FNDC1: variants seen among roughly 807,000 people sequenced by gnomAD.
FNDC1 encodes fibronectin type III domain-containing protein 1.
A neutral mutation model predicts 168.0 loss-of-function variants in FNDC1; 96 were observed. That is an observed-to-expected ratio of 0.57 (90% CI 0.48 to 0.68). The LOEUF is 0.68. FNDC1 is among the 30% of genes least tolerant of loss of function. FNDC1 has a pLI of 0.00. For synonymous variants in FNDC1, 1,099 were observed against 1,025.9 expected, an observed-to-expected ratio of 1.07 and a Z score of -1.36; for missense variants, 2,587 against 2,482.1, an observed-to-expected ratio of 1.04 and a Z score of -0.90.
intron 9 of FNDC1, among the ~76,000 whole-genome samples, chr6:159,227,222 A>T (rs1458919086): frequency 6.6e-6 from 1 of 152,262 alleles, no homozygotes; most frequent in African/African-American, 2.4e-5. Context: ...AAAGCGTTTA[A>T]GAACCTCTCA....
rs1209844362 is a variant in FNDC1 at position 159,251,396 on chromosome 6, C to T, written c.4929C>T (p.Ile1643=). 2 of 1,613,848 alleles carry T rather than the reference C, an allele frequency of 1.2e-6. No individual in the cohort carries two copies. Among genetic ancestry groups the T allele is most frequent in the African/African-American group, 1.3e-5 (1 of 74,922 alleles). The change falls in exon 17 of 23, where the codon ATC becomes ATT. Residue 1643 remains isoleucine (I), a synonymous_variant. Coordinates refer to ENST00000297267, the MANE Select transcript of FNDC1 (RefSeq NM_032532.3). The part of the protein sequence containing the change: ...DHFQVDSLDE[I]IPNDLKKSDL... ...TCCAAGTGGACAGCCTGGATGAAAT[C>T]ATCCCCAATGACCTGAAGAAGAGTG...
rs751720114 is a variant in FNDC1 at position 159,232,610 on chromosome 6, AC to A, written c.2104del (p.His702IlefsTer35). 4 of 1,607,074 alleles carry A rather than the reference AC, an allele frequency of 2.5e-6. No individual in the cohort carries two copies. Among genetic ancestry groups the A allele is most frequent in the African/African-American group, 1.3e-5 (1 of 74,626 alleles). Reference sequence around the variant, plus strand: ...AAAGCCAGCCTCGCCGGCCCGGAGGACCCCCCATTCAGGGGCCGCAGAGGAA... The same window carrying A: ...AAAGCCAGCCTCGCCGGCCCGGAGGACCCCCATTCAGGGGCCGCAGAGGAA... ...GAKPASPARR[T>X]PHSGAAEEDS... On this transcript the variant is annotated frameshift_variant, in exon 11 of 23. Coordinates refer to ENST00000297267, the MANE Select transcript of FNDC1 (RefSeq NM_032532.3). LOFTEE classifies it high-confidence loss of function. The surrounding 1 kb of genome is among the most constrained non-coding windows in gnomAD (Gnocchi z 4.9).
intron 4 of FNDC1, among the ~76,000 whole-genome samples, chr6:159,210,052 G>A (rs907157527): frequency 1.3e-5 from 2 of 152,212 alleles, no homozygotes; most frequent in South Asian, 2.1e-4. Context: ...TGGTGCTGAC[G>A]CCCTCTGAAG....
chr6:159,192,701 C>A (rs1782165694), intron 1 of FNDC1, among the ~76,000 whole-genome samples: 1 of 152,154 alleles, frequency 6.6e-6, no homozygotes, highest in Non-Finnish European at 1.5e-5. Context: ...AATGGTTAGG[C>A]CAGAAATAGA....
intron 15 of FNDC1, among the ~76,000 whole-genome samples, chr6:159,247,183 A>G (rs911944044): frequency 1.3e-5 from 2 of 152,164 alleles, no homozygotes; most frequent in Admixed American, 6.5e-5. Flanking sequence ...AGTGTGCTTA[A>G]CACGTAGATG....
At chr6:159,197,669 C>A in intron 2 of FNDC1, 44 bp downstream of exon 2, 1 of 1,514,602 alleles carries the variant, frequency 6.6e-7, no homozygotes, top group South Asian at 1.2e-5. Context: ...ATTAACTGTG[C>A]ACCAACATTC....
intron 4 of FNDC1, among the ~76,000 whole-genome samples, chr6:159,204,357 A>C (rs116651121): frequency 0.014 from 2,147 of 152,128 alleles, 59 homozygotes; most frequent in African/African-American, 0.049. Context: ...ACCTCCCCTC[A>C]TGGAGTTAAA....
In FNDC1 at chr6:159,239,896, C is replaced by T. The variant is rs574481254; in HGVS notation, c.4560C>T (p.His1520=). 4.8e-5 allele frequency: 74 copies of T among 1,531,986 alleles called. No individual in the cohort carries two copies. In the South Asian group the frequency reaches 6.5e-4, roughly 14 times the overall value. 94.9% of individuals were successfully genotyped at this position (1,531,986 alleles called of 1,614,324 possible). A position where few individuals can be genotyped will look rare whatever the true frequency, so the allele number is the denominator to read the frequency against. The change falls in exon 14 of 23, where the codon CAC becomes CAT. Residue 1520 remains histidine, a synonymous_variant. Coordinates refer to ENST00000297267, the MANE Select transcript of FNDC1 (RefSeq NM_032532.3). ...PTCPPGTLER[H]DDDGNLIMSS... is the part of the protein sequence containing the mutation. ...GTCCCCCTGGGACCTTGGAACGGCA[C>T]GACGATGATGGCAACCTGATAATGA...
At chr6:159,226,645 G>A in intron 9 of FNDC1, 65 bp downstream of exon 9, 2 of 1,277,220 alleles carry the variant, frequency 1.6e-6, no homozygotes, top group Non-Finnish European at 2.2e-6. Context: ...TCTGCTTACG[G>A]CTTTGTTGAC....
rs762894064 is a variant in FNDC1 at position 159,267,888 on chromosome 6, G to A, written c.5531G>A (p.Gly1844Glu). The A allele has an allele frequency of 3.7e-6, 6 of 1,612,688 alleles. No individual in the cohort carries two copies. Among genetic ancestry groups the A allele is most frequent in the South Asian group, 3.3e-5 (3 of 90,664 alleles). ...GATTCACACCTTGATGGAAGAACAGGGCCTCAGTCCTATGTAGAAGCCCTC... is the reference window on the plus strand; with the variant it reads ...GATTCACACCTTGATGGAAGAACAGAGCCTCAGTCCTATGTAGAAGCCCTC... The part of the protein sequence containing the change: ...FVDSHLDGRT[G>E]PQSYVEALPT... The change falls in exon 22 of 23, where the codon GGG becomes GAG. Residue 1844 changes from glycine (G) to glutamate (E), a missense_variant. By Grantham distance (98) the Gly-to-Glu change is moderately conservative. Coordinates refer to ENST00000297267, the MANE Select transcript of FNDC1 (RefSeq NM_032532.3).
In FNDC1 at chr6:159,231,987, C is replaced by T. The variant is rs1284722681; in HGVS notation, c.1475C>T (p.Ser492Phe). The T allele has an allele frequency of 6.2e-7, 1 of 1,613,902 alleles. No homozygotes were observed. Among genetic ancestry groups the T allele is most frequent in the African/African-American group, 1.3e-5 (1 of 74,938 alleles). Residue 492 changes from serine to phenylalanine, a missense_variant, in exon 11 of 23, where the codon TCT (serine) becomes TTT (phenylalanine). Transcript: ENST00000297267. ...GCTCCAGCTTCCTCCCAACACCCCT[C>T]TGTGCCTGCTTCTCCCCAAGGGAGA... ...PRAPASSQHPSVPASPQGRNA... is the reference protein window; with the variant it reads ...PRAPASSQHPFVPASPQGRNA...
At chr6:159,269,597 GTCTA>G (rs201581423) in intron 22 of FNDC1, among the ~76,000 whole-genome samples, 24,190 of 122,842 alleles carry the variant, frequency 0.2, 2,277 homozygotes, top group East Asian at 0.34. Flanking sequence ...CTGTCTGTCT[GTCTA>G]TCTATCTATC....
At chr6:159,255,433 A>G (rs1199429935) in intron 17 of FNDC1, among the ~76,000 whole-genome samples, 1 of 151,818 alleles carries the variant, frequency 6.6e-6, no homozygotes, top group African/African-American at 2.4e-5. Context: ...CCCGCTACAC[A>G]CCCTCTCACA....
rs769296623 is a variant in FNDC1, at chr6:159,234,393, C to T, written c.3881C>T (p.Pro1294Leu). The T allele has an allele frequency of 6.2e-6, 10 of 1,613,370 alleles. No individual in the cohort carries two copies. The highest frequency in any genetic ancestry group is 4.4e-5 in the South Asian group (4 of 91,022). The change falls in exon 11 of 23, where the codon CCG (proline) becomes CTG (leucine). Residue 1294 changes from proline to leucine, a missense_variant. Physicochemically the swap from Pro to Leu is moderately conservative, Grantham distance 98 (BLOSUM62 -3). Coordinates refer to ENST00000297267, the MANE Select transcript of FNDC1 (RefSeq NM_032532.3). ...RAPPGHFSTTPMLSLRQRMMH... is the reference protein window; with the variant it reads ...RAPPGHFSTTLMLSLRQRMMH... ...CCACCTGGCCACTTCTCCACCACCC[C>T]GATGCTGTCCTTGCGCCAGAGGATG...
intron 4 of FNDC1, among the ~76,000 whole-genome samples, chr6:159,209,471 G>T (rs1041903733): frequency 4.6e-5 from 7 of 152,216 alleles, no homozygotes; most frequent in Non-Finnish European, 7.3e-5. Context: ...GGGCACAGAT[G>T]CTGGCAGCCT....
chr6:159,269,880 T>G (rs1249561940), intron 22 of FNDC1, among the ~76,000 whole-genome samples: 1 of 152,118 alleles, frequency 6.6e-6, no homozygotes, highest in Non-Finnish European at 1.5e-5. Flanking sequence ...CCTGCTCTAG[T>G]CAGTCTGGTG....
Position 159,234,443 on chromosome 6 carries a change from C to G in FNDC1, c.3931C>G (p.Leu1311Val), listed in dbSNP as rs780225056. ...RMMHARFRNP[L>V]SRQPARPSYR... ...GATGCATGCCAGATTCCGTAACCCTCTCTCCCGACAGCCTGCCAGACCCTC... is the reference window on the plus strand; with the variant it reads ...GATGCATGCCAGATTCCGTAACCCTGTCTCCCGACAGCCTGCCAGACCCTC... Residue 1311 changes from leucine (L) to valine (V), a missense_variant, in exon 11 of 23, where the codon CTC (leucine) becomes GTC (valine). Physicochemically the swap from Leu to Val is conservative, Grantham distance 32. Coordinates refer to ENST00000297267, the MANE Select transcript of FNDC1 (RefSeq NM_032532.3). The G allele has an allele frequency of 1.2e-6, 2 of 1,613,562 alleles. No individual in the cohort carries two copies. The highest frequency in any genetic ancestry group is 2.2e-5 in the South Asian group (2 of 91,078).
chr6:159,239,456 C>T, intron 13 of FNDC1, 61 bp from the exon 14 acceptor site: 1 of 1,422,304 alleles, frequency 7.0e-7, no homozygotes. Context: ...TTATTGCTTG[C>T]TTTTTATTTT....
chr6:159,247,895 A>T (rs1303117718), intron 15 of FNDC1, among the ~76,000 whole-genome samples: 1 of 152,212 alleles, frequency 6.6e-6, no homozygotes, highest in Middle Eastern at 3.2e-3. Context: ...CAGTTGAAGA[A>T]GTTCTTAAAG....
Sources: allele counts gnomAD v4.1 joint callset (sites outside exome capture counted in the v4.1 genomes callset), GRCh38; gene constraint gnomAD v4.1.1; non-coding constraint Gnocchi (gnomAD v3.1); transcripts MANE v1.5; gene names NCBI Gene and HGNC (gene_info 2026-07-23, HGNC 2026-07-21).